Variants in RBFOX1 observed in about 807,000 individuals in gnomAD.
RBFOX1 encodes the protein RNA binding fox-1 homolog 1.
Under a neutral mutation model 57.7 loss-of-function variants are expected in RBFOX1, and 8 were observed. That is an observed-to-expected ratio of 0.14 (90% confidence interval 0.08 to 0.25). The LOEUF (loss-of-function observed/expected upper bound fraction) is 0.25, where lower values mean the gene tolerates loss of function less well. Among genes scored for constraint, RBFOX1 ranks in the 10% least tolerant of loss-of-function variants. RBFOX1 has a pLI of 1.00. For synonymous variants in RBFOX1, 326 were observed against 222.4 expected (o/e 1.47, Z -4.15); for missense variants, 611 against 548.5 (o/e 1.11, Z -1.14).
intron 3 of RBFOX1, among the ~76,000 whole-genome samples, chr16:5,656,610 A>G (rs1567355139): frequency 2.6e-5 from 4 of 152,172 alleles, no homozygotes; most frequent in Non-Finnish European, 5.9e-5. Flanking sequence ...AATTGTTAAT[A>G]TTTTTAGTTT....
At chr16:6,061,256 G>A (rs4786078) in intron 1 of RBFOX1, among the ~76,000 whole-genome samples, 29,705 of 152,044 alleles carry the variant, frequency 0.2, 3,611 homozygotes, top group Non-Finnish European at 0.27. Context: ...AGTGTGCGAA[G>A]TTACCAAACA....
chr16:6,909,092 C>G (rs1245754240), intron 3 of RBFOX1, among the ~76,000 whole-genome samples: 2 of 152,150 alleles, frequency 1.3e-5, no homozygotes, highest in Non-Finnish European at 2.9e-5. Context: ...AATGTATTTT[C>G]TTGCAGTTCT....
At chr16:5,829,508 GAGGCAGA>G (rs1332384971) in intron 3 of RBFOX1, among the ~76,000 whole-genome samples, 1 of 152,118 alleles carries the variant, frequency 6.6e-6, no homozygotes, top group Non-Finnish European at 1.5e-5. Flanking sequence ...CCTTTTTATG[GAGGCAGA>G]ACCCAAGGTG....
intron 4 of RBFOX1, among the ~76,000 whole-genome samples, chr16:7,404,371 G>A (rs7186354): frequency 0.89 from 134,919 of 152,108 alleles, 59,929 homozygotes; most frequent in South Asian, 0.95. Flanking sequence ...AATTTATTTA[G>A]TGTCACCTTG....
intron 4 of RBFOX1, among the ~76,000 whole-genome samples, chr16:7,206,871 G>T (rs1377878039): frequency 1.3e-5 from 2 of 152,080 alleles, no homozygotes; most frequent in Non-Finnish European, 2.9e-5. Flanking sequence ...AAATGGAGAG[G>T]CTGGAGAAAC....
intron 2 of RBFOX1, among the ~76,000 whole-genome samples, chr16:6,331,662 G>T (rs966641578): frequency 6.6e-6 from 1 of 150,584 alleles, no homozygotes; most frequent in Admixed American, 6.6e-5. Context: ...TCTATTCAGT[G>T]TTGCATAAAT....
intron 3 of RBFOX1, among the ~76,000 whole-genome samples, chr16:6,765,132 A>T (rs1412525848): frequency 6.6e-6 from 1 of 152,076 alleles, no homozygotes; most frequent in Non-Finnish European, 1.5e-5. Flanking sequence ...AGCAAGTAAA[A>T]CGACAGGGAA....
At chr16:6,127,277 C>CT (rs567515900) in intron 1 of RBFOX1, among the ~76,000 whole-genome samples, 20,613 of 147,556 alleles carry the variant, frequency 0.14, 2,231 homozygotes, top group African/African-American at 0.3. Context: ...TTGTCTCTCT[C>CT]TTTTTTTAAA....
At chr16:6,683,434 A>G (rs1264636816) in intron 3 of RBFOX1, among the ~76,000 whole-genome samples, 1 of 152,212 alleles carries the variant, frequency 6.6e-6, no homozygotes, top group Non-Finnish European at 1.5e-5. Flanking sequence ...TGGGGAGGAT[A>G]TATCTATGTC....
chr16:7,703,386 G>A (rs1372105831), intron 14 of RBFOX1, among the ~76,000 whole-genome samples: 1 of 152,104 alleles, frequency 6.6e-6, no homozygotes, highest in Non-Finnish European at 1.5e-5. Flanking sequence ...GCTACCTTCT[G>A]AACTTCATCT....
At chr16:7,096,529 C>A (rs767804560) in intron 4 of RBFOX1, among the ~76,000 whole-genome samples, 4 of 152,112 alleles carry the variant, frequency 2.6e-5, no homozygotes, top group Non-Finnish European at 5.9e-5. Context: ...AATTTTCTTG[C>A]ACCTGGATTG....
chr16:7,493,844 T>C (rs2191391), intron 4 of RBFOX1, among the ~76,000 whole-genome samples: 148,231 of 152,348 alleles, frequency 0.97, 72,266 homozygotes, highest in East Asian at 1. Context: ...ATAACAACAA[T>C]AGAACGCTGA....
At position 5,549,672 on chromosome 16, in the gene RBFOX1, AG is replaced by A. The variant is rs1320309552; in HGVS notation, c.259-49227del. Among the ~76,000 whole-genome samples, 4 of 152,230 alleles carry A rather than the reference AG, an allele frequency of 2.6e-5. No individual in the cohort carries two copies. In the East Asian group the frequency reaches 7.7e-4, roughly 29 times the overall value. ...AACTTCATCAGTGAGATGTTTAAAAAGGGTAGAAACCTAATACAAATCATAG... is the reference window on the plus strand; with the variant it reads ...AACTTCATCAGTGAGATGTTTAAAAAGGTAGAAACCTAATACAAATCATAG... On this transcript the variant is annotated intron_variant, in intron 2 of 2. Coordinates refer to the RBFOX1 transcript ENST00000585867.
chr16:6,861,145 C>A (rs115693228), intron 3 of RBFOX1, among the ~76,000 whole-genome samples: 4,106 of 152,102 alleles, frequency 0.027, 213 homozygotes, highest in African/African-American at 0.089. Flanking sequence ...CAGCATCTTC[C>A]GTATTTTTTA....
intron 2 of RBFOX1, among the ~76,000 whole-genome samples, chr16:6,395,302 A>C (rs1411439414): frequency 6.6e-6 from 1 of 152,196 alleles, no homozygotes; most frequent in African/African-American, 2.4e-5. Context: ...CAGATTTCAA[A>C]ATTGGCTCAA....
At chr16:7,538,328 G>C (rs1004447898) in intron 5 of RBFOX1, among the ~76,000 whole-genome samples, 12 of 152,088 alleles carry the variant, frequency 7.9e-5, no homozygotes, top group African/African-American at 2.4e-4. Flanking sequence ...TGCCCCATTA[G>C]CCCATAGCTG....
chr16:7,643,014 A>T (rs2063105334), intron 11 of RBFOX1, among the ~76,000 whole-genome samples: 1 of 152,220 alleles, frequency 6.6e-6, no homozygotes, highest in Non-Finnish European at 1.5e-5. Context: ...CTACACATTT[A>T]GCAGCCATGA....
chr16:5,908,519 T>G (rs1356955713), intron 4 of RBFOX1, among the ~76,000 whole-genome samples: 1 of 151,704 alleles, frequency 6.6e-6, no homozygotes, highest in African/African-American at 2.4e-5. Flanking sequence ...TGCCCGGCTA[T>G]TTTTTGTATT....
chr16:6,981,361 C>T (rs1433930297), intron 3 of RBFOX1, among the ~76,000 whole-genome samples: 1 of 152,022 alleles, frequency 6.6e-6, no homozygotes, highest in Non-Finnish European at 1.5e-5. Context: ...TTTTCTGTTT[C>T]TGTGTTAATT....
Sources: allele counts gnomAD v4.1 joint callset (sites outside exome capture counted in the v4.1 genomes callset), GRCh38; gene constraint gnomAD v4.1.1; transcripts MANE v1.5; gene names NCBI Gene and HGNC (gene_info 2026-07-23, HGNC 2026-07-21).